SUPT3H: variants seen among roughly 807,000 people sequenced by gnomAD.
SUPT3H encodes transcription initiation protein SPT3 homolog.
Under a neutral mutation model 44.3 loss-of-function variants are expected in SUPT3H, and 44 were observed. That is an observed-to-expected ratio of 0.99 (90% CI 0.78 to 1.28). The LOEUF is 1.28. SUPT3H is among the 50% of genes most tolerant of loss of function. SUPT3H has a pLI of 0.00. For missense variants in SUPT3H, 380 were observed against 387.1 expected (o/e 0.98, Z 0.15); for synonymous variants, 124 against 125.6 (o/e 0.99, Z 0.09).
chr6:44,881,261 TTAAC>T (rs1778176761), intron 10 of SUPT3H, among the ~76,000 whole-genome samples: 1 of 152,026 alleles, frequency 6.6e-6, no homozygotes, highest in South Asian at 2.1e-4. Context: ...AAAACAGACT[TTAAC>T]TAACAAAGAT....
intron 2 of SUPT3H, among the ~76,000 whole-genome samples, chr6:45,331,706 A>T (rs777450776): frequency 1.3e-5 from 2 of 152,006 alleles, no homozygotes; most frequent in East Asian, 3.9e-4. Flanking sequence ...GAAATTGTGG[A>T]AAAAGATCTG....
chr6:44,990,431 G>C (rs1483020510), intron 6 of SUPT3H, among the ~76,000 whole-genome samples: 2 of 151,788 alleles, frequency 1.3e-5, no homozygotes, highest in African/African-American at 4.8e-5. Flanking sequence ...GGGCAGTAGG[G>C]TACTGTTTTG....
chr6:44,960,042 C>T lies in SUPT3H; in HGVS notation c.580+1711G>A, dbSNP rs1021839646. Among the ~76,000 whole-genome samples, 13 of 152,190 alleles carry T rather than the reference C, an allele frequency of 8.5e-5. No homozygotes were observed. In the East Asian group the frequency reaches 2.5e-3, roughly 29 times the overall value. ...TATAAATAGTTTTAAATGACCAAGTCCTTCCACTCTAAAGAAAAGAAAATT... is the reference window on the plus strand; with the variant it reads ...TATAAATAGTTTTAAATGACCAAGTTCTTCCACTCTAAAGAAAAGAAAATT... On this transcript the variant is annotated intron_variant, in intron 7 of 10. Coordinates refer to ENST00000371459, the MANE Select transcript of SUPT3H (RefSeq NM_003599.4).
intron 10 of SUPT3H, among the ~76,000 whole-genome samples, chr6:44,930,755 C>A (rs904073787): frequency 6.6e-6 from 1 of 152,044 alleles, no homozygotes; most frequent in Admixed American, 6.6e-5. Flanking sequence ...GTTCTACTAG[C>A]GGCTAACTGA....
chr6:45,359,708 C>G (rs1016157198), intron 2 of SUPT3H, among the ~76,000 whole-genome samples: 2 of 152,126 alleles, frequency 1.3e-5, no homozygotes, highest in Non-Finnish European at 2.9e-5. Context: ...TGAAAAAGAT[C>G]TGTTGTTAGA....
At chr6:45,082,074 C>T (rs9357469) in intron 3 of SUPT3H, among the ~76,000 whole-genome samples, 61,548 of 151,818 alleles carry the variant, frequency 0.41, 12,857 homozygotes, top group East Asian at 0.71. Context: ...AAATACATAA[C>T]CTCCCAATAT....
rs923636222 is a variant in SUPT3H, at chr6:44,827,734, G to A, written c.*2082C>T. ...ACCTAAGTATAAAAAATAGAAAAGG[G>A]AATTAAAAATATTGAGCAATTATGG... On this transcript the variant is annotated 3_prime_UTR_variant, in exon 11 of 11. Coordinates refer to ENST00000371459, the MANE Select transcript of SUPT3H (RefSeq NM_003599.4). 2.6e-5 allele frequency among the ~76,000 whole-genome samples: 4 copies of A among 152,010 alleles called. No homozygotes were observed. Among genetic ancestry groups the A allele is most frequent in the Non-Finnish European group, 5.9e-5 (4 of 67,966 alleles).
rs752887669 is a variant in SUPT3H at position 45,295,524 on chromosome 6, C to CAAAAAAAAAAA, written c.101+69666_101+69676dup. Among the ~76,000 whole-genome samples the CAAAAAAAAAAA allele has an allele frequency of 1.7e-4, 7 of 40,086 alleles. 1 individual carries two copies. Among genetic ancestry groups the CAAAAAAAAAAA allele is most frequent in the African/African-American group, 3.4e-4 (4 of 11,618 alleles). The allele number at this position is 40,086 out of a possible 152,430, so 26.3% of individuals were successfully genotyped here. A position where few individuals can be genotyped will look rare whatever the true frequency, so the allele number is the denominator to read the frequency against. ...ATTAAACGAAAGAGCTTTTGCACAG[C>CAAAAAAAAAAA]AAAAAAAAAAAAAAAAAAAAAAAAA... On this transcript the variant is annotated intron_variant, in intron 2 of 10. Coordinates refer to ENST00000371459, the MANE Select transcript of SUPT3H (RefSeq NM_003599.4).
intron 6 of SUPT3H, among the ~76,000 whole-genome samples, chr6:44,962,664 T>A (rs1226478235): frequency 6.6e-6 from 1 of 152,158 alleles, no homozygotes; most frequent in African/African-American, 2.4e-5. Flanking sequence ...TTTCTTCTAA[T>A]GTCTGTGGAT....
At chr6:44,968,743 C>A (rs770223701) in intron 6 of SUPT3H, among the ~76,000 whole-genome samples, 1 of 152,090 alleles carries the variant, frequency 6.6e-6, no homozygotes, top group Non-Finnish European at 1.5e-5. Flanking sequence ...GTAAGATTCA[C>A]TGTAGTAGGC....
intron 2 of SUPT3H, among the ~76,000 whole-genome samples, chr6:45,176,674 TG>T (rs1811968474): frequency 6.6e-6 from 1 of 152,212 alleles, no homozygotes; most frequent in African/African-American, 2.4e-5. Context: ...TAAATGTCCC[TG>T]TCTGACAGCT....
intron 2 of SUPT3H, among the ~76,000 whole-genome samples, chr6:45,117,692 T>C (rs1408988342): frequency 6.6e-6 from 1 of 152,044 alleles, no homozygotes; most frequent in African/African-American, 2.4e-5. Flanking sequence ...AATAAAACTA[T>C]AAATTAAAAA....
At chr6:44,942,249 T>C (rs1772566184) in intron 9 of SUPT3H, among the ~76,000 whole-genome samples, 1 of 152,052 alleles carries the variant, frequency 6.6e-6, no homozygotes, top group South Asian at 2.1e-4. Flanking sequence ...ACTGAATGAG[T>C]TGCAGAGTAC....
rs148821537 is a variant in SUPT3H, at chr6:44,907,668, A to T, written c.912+24985T>A. On this transcript the variant is annotated intron_variant, in intron 10 of 10. Transcript: ENST00000371459. ...ACTCCAGCCTGGGCAACACAGTGAG[A>T]CTCTGTCTCAAAAAAGGAAAACAGT... 7.6e-3 allele frequency among the ~76,000 whole-genome samples: 1,161 copies of T among 152,142 alleles called. 21 individuals are homozygous for T. Among genetic ancestry groups the T allele is most frequent in the African/African-American group, 0.026 (1,094 of 41,492 alleles).
At chr6:45,244,515 T>C (rs1198056289) in intron 2 of SUPT3H, among the ~76,000 whole-genome samples, 1 of 152,182 alleles carries the variant, frequency 6.6e-6, no homozygotes, top group Non-Finnish European at 1.5e-5. Context: ...AGTGAACATT[T>C]TAAACAAACA....
At chr6:44,895,217 T>C (rs779721866) in intron 10 of SUPT3H, among the ~76,000 whole-genome samples, 2 of 150,786 alleles carry the variant, frequency 1.3e-5, no homozygotes, top group Admixed American at 6.6e-5. Flanking sequence ...CTATATGGAA[T>C]AATAATAGTG....
chr6:45,114,595 T>C (rs1800568118), intron 2 of SUPT3H, among the ~76,000 whole-genome samples: 1 of 152,134 alleles, frequency 6.6e-6, no homozygotes, highest in Non-Finnish European at 1.5e-5. Context: ...TGCATGAAAA[T>C]GTGCATCTGA....
At chr6:45,260,815 C>T (rs1359923294) in intron 2 of SUPT3H, among the ~76,000 whole-genome samples, 1 of 151,982 alleles carries the variant, frequency 6.6e-6, no homozygotes, top group East Asian at 1.9e-4. Context: ...ACAAGATAGG[C>T]AAATAAAATA....
At chr6:44,852,526 A>C (rs1018697521) in intron 10 of SUPT3H, among the ~76,000 whole-genome samples, 1 of 152,030 alleles carries the variant, frequency 6.6e-6, no homozygotes, top group Non-Finnish European at 1.5e-5. Flanking sequence ...AGAAGGAACA[A>C]CCTCTTCTCC....
Sources: gnomAD v4.1 joint callset for allele counts (sites outside exome capture counted in the v4.1 genomes callset) on GRCh38, gnomAD v4.1.1 for gene constraint, MANE v1.5 for transcripts, NCBI Gene and HGNC (gene_info 2026-07-23, HGNC 2026-07-21) for gene names.